TMEFF2: variants seen among roughly 807,000 people sequenced by gnomAD.
TMEFF2 encodes the protein tomoregulin-2.
In TMEFF2, 28 loss-of-function variants were observed where a neutral mutation model predicts 53.8. The observed-to-expected ratio is 0.52, with a 90% CI of 0.39 to 0.71. The LOEUF is 0.71. Ranked by LOEUF, TMEFF2 falls within the 30% of genes least tolerant of loss-of-function variation. TMEFF2 has a pLI of 0.00. For synonymous variants in TMEFF2, 162 were observed against 166.3 expected (o/e 0.97, Z 0.20); for missense variants, 353 against 455.2 (o/e 0.78, Z 2.04).
chr2:192,034,668 CT>C (rs1687239182), intron 5 of TMEFF2: 1 of 152,178 alleles, frequency 6.6e-6, no homozygotes, highest in South Asian at 2.1e-4. Context: ...ATGATTGTCT[CT>C]GGTTCATTTT....
chr2:192,106,437 T>A (rs1348306176), intron 4 of TMEFF2, among the ~76,000 whole-genome samples: 1 of 151,756 alleles, frequency 6.6e-6, no homozygotes, highest in African/African-American at 2.4e-5. Context: ...TATAACTTGA[T>A]AATAAACCAA....
At chr2:192,148,533 T>C (rs1450642195) in intron 4 of TMEFF2, among the ~76,000 whole-genome samples, 4 of 152,004 alleles carry the variant, frequency 2.6e-5, no homozygotes, top group Admixed American at 2.6e-4. Flanking sequence ...GTGAACTCCT[T>C]GGCCTAAGTA....
intron 8 of TMEFF2, among the ~76,000 whole-genome samples, chr2:191,955,170 AGAGG>A (rs57231306): frequency 0.23 from 714 of 3,138 alleles, 21 homozygotes; most frequent in Admixed American, 0.33. Flanking sequence ...AGTGGGAGAG[AGAGG>A]GAGAGAGAGA....
At chr2:191,980,773 G>A (rs543748961) in intron 7 of TMEFF2, among the ~76,000 whole-genome samples, 1 of 152,102 alleles carries the variant, frequency 6.6e-6, no homozygotes, top group Admixed American at 6.5e-5. Flanking sequence ...ATTTGGCCCC[G>A]AGTCCTACTC....
intron 3 of TMEFF2, among the ~76,000 whole-genome samples, chr2:192,181,123 C>A (rs934829313): frequency 6.6e-6 from 1 of 151,712 alleles, no homozygotes; most frequent in Non-Finnish European, 1.5e-5. Context: ...CTGATGAATT[C>A]ATGTTGATAT....
At position 192,089,000 on chromosome 2, in the gene TMEFF2, T is replaced by C. The variant is rs112668881; in HGVS notation, c.440-31225A>G. Reference sequence around the variant, plus strand: ...CTTTGAGGATGGAATCTGTATCTAATTGATATTTGTATCTCTTAAGCCACT... The same window carrying C: ...CTTTGAGGATGGAATCTGTATCTAACTGATATTTGTATCTCTTAAGCCACT... On this transcript the variant is annotated intron_variant, in intron 4 of 9. Transcript: ENST00000272771. Among the ~76,000 whole-genome samples, 297 of 152,160 alleles carry C rather than the reference T, an allele frequency of 2.0e-3. 1 individual carries two copies. Among genetic ancestry groups the C allele is most frequent in the Non-Finnish European group, 2.0e-3 (138 of 68,018 alleles).
At chr2:192,054,514 C>G (rs547006248) in intron 5 of TMEFF2, among the ~76,000 whole-genome samples, 1 of 152,082 alleles carries the variant, frequency 6.6e-6, no homozygotes, top group Non-Finnish European at 1.5e-5. Flanking sequence ...CTATCCTTGC[C>G]CATATCTTTT....
chr2:192,004,016 A>G (rs553559044), intron 5 of TMEFF2, among the ~76,000 whole-genome samples: 2 of 151,898 alleles, frequency 1.3e-5, no homozygotes, highest in Admixed American at 6.6e-5. Context: ...CTTTTCTGCA[A>G]CCTTCTCAAG....
At chr2:192,145,835 T>G (rs1441358507) in intron 4 of TMEFF2, among the ~76,000 whole-genome samples, 1 of 152,052 alleles carries the variant, frequency 6.6e-6, no homozygotes, top group Non-Finnish European at 1.5e-5. Context: ...CTTAGAATAG[T>G]GAGCAACATC....
At position 192,076,835 on chromosome 2, in the gene TMEFF2, G is replaced by A. The variant is rs944579806; in HGVS notation, c.440-19060C>T. On this transcript the variant is annotated intron_variant, in intron 4 of 9. Transcript: ENST00000272771. ...TGTGAGTGATCAGGGAGCAGCCAGT[G>A]AGCCAAAAAGTCTGCACAGGAAGTG... 3.9e-5 allele frequency among the ~76,000 whole-genome samples: 6 copies of A among 152,128 alleles called. No individual in the cohort carries two copies. In the East Asian group the frequency reaches 1.2e-3, roughly 29 times the overall value.
chr2:192,082,135 A>T (rs1454246094), intron 4 of TMEFF2, among the ~76,000 whole-genome samples: 17 of 152,248 alleles, frequency 1.1e-4, no homozygotes, highest in Admixed American at 1.0e-3. Context: ...ATTTTTTGCC[A>T]TTACAGTTAA....
chr2:192,108,575 A>G (rs1464416561), intron 4 of TMEFF2, among the ~76,000 whole-genome samples: 25 of 151,946 alleles, frequency 1.6e-4, no homozygotes, highest in Non-Finnish European at 4.4e-5. Flanking sequence ...AAAATTAACA[A>G]TGAGAGGAAC....
intron 4 of TMEFF2, among the ~76,000 whole-genome samples, chr2:192,152,796 C>T (rs1301608392): frequency 6.6e-6 from 1 of 151,876 alleles, no homozygotes; most frequent in Non-Finnish European, 1.5e-5. Context: ...AACCTACAGG[C>T]CACTAATTTT....
chr2:192,117,188 C>T (rs1689433735), intron 4 of TMEFF2, among the ~76,000 whole-genome samples: 1 of 152,046 alleles, frequency 6.6e-6, no homozygotes, highest in Non-Finnish European at 1.5e-5. Context: ...CTTCCAAAAG[C>T]ACAGTGCTCT....
chr2:192,191,272 T>C (rs1283275421), intron 2 of TMEFF2, among the ~76,000 whole-genome samples: 1 of 152,174 alleles, frequency 6.6e-6, no homozygotes, highest in Non-Finnish European at 1.5e-5. Flanking sequence ...TTTCCTGATG[T>C]TCATAAAATG....
intron 5 of TMEFF2, among the ~76,000 whole-genome samples, chr2:192,051,050 C>T (rs372635062): frequency 2.0e-5 from 3 of 151,978 alleles, no homozygotes; most frequent in Non-Finnish European, 4.4e-5. Flanking sequence ...AAACAGAAAA[C>T]GCTACTGCAG....
chr2:191,949,983 C>A lies in TMEFF2; in HGVS notation c.*328G>T. The stretch of plus-strand genomic sequence containing the variant: ...GATTGTACTAGTCTGATTATATTTA[C>A]AGTTATGAGATACCGCAAATTTAAG... On this transcript the variant is annotated 3_prime_UTR_variant, in exon 10 of 10. Coordinates refer to ENST00000272771, the MANE Select transcript of TMEFF2 (RefSeq NM_016192.4). The A allele has an allele frequency of 9.1e-7, 1 of 1,095,792 alleles. No individual in the cohort carries two copies. The highest frequency in any genetic ancestry group is 1.1e-6 in the Non-Finnish European group (1 of 897,422). 67.9% of individuals were successfully genotyped at this position (1,095,792 alleles called of 1,614,324 possible). A position where few individuals can be genotyped will look rare whatever the true frequency, so the allele number is the denominator to read the frequency against.
chr2:192,096,699 G>T (rs1414643486), intron 4 of TMEFF2, among the ~76,000 whole-genome samples: 3 of 88,122 alleles, frequency 3.4e-5, no homozygotes, highest in African/African-American at 1.1e-4. Context: ...TTTTTGAGGT[G>T]GAGTTTCGCT....
At chr2:192,106,017 A>G (rs542146997) in intron 4 of TMEFF2, among the ~76,000 whole-genome samples, 89 of 152,012 alleles carry the variant, frequency 5.9e-4, no homozygotes, top group African/African-American at 2.1e-3. Flanking sequence ...TGTCTTGGGA[A>G]GAACACTTGC....
Sources: allele counts gnomAD v4.1 joint callset (sites outside exome capture counted in the v4.1 genomes callset), GRCh38; gene constraint gnomAD v4.1.1; transcripts MANE v1.5; gene names NCBI Gene and HGNC (gene_info 2026-07-23, HGNC 2026-07-21).